The following KCNH1 variants were observed in gnomAD, a reference collection of about 807,000 sequenced individuals.
KCNH1 encodes potassium voltage-gated channel subfamily H member 1, also known as voltage-gated delayed rectifier potassium channel KCNH1.
Under a neutral mutation model 69.2 loss-of-function variants are expected in KCNH1, and 27 were observed. The observed-to-expected ratio is 0.39, with a 90% CI of 0.29 to 0.54. The LOEUF is 0.54. KCNH1 is among the 20% of genes least tolerant of loss of function. The probability of loss-of-function intolerance (pLI) is 0.68; values close to 1 mark genes in which losing one functional copy is unlikely to be tolerated. For synonymous variants in KCNH1, 456 were observed against 487.7 expected (o/e 0.93, Z 0.86); for missense variants, 798 against 1,261.6 (o/e 0.63, Z 5.57).
intron 9 of KCNH1, among the ~76,000 whole-genome samples, chr1:210,788,494 A>G (rs993587154): frequency 2.0e-5 from 3 of 152,164 alleles, no homozygotes; most frequent in Non-Finnish European, 4.4e-5. Flanking sequence ...AGAAAGATCA[A>G]TAAACTTTCC....
At chr1:210,802,574 C>T (rs1240226180) in intron 8 of KCNH1, among the ~76,000 whole-genome samples, 1 of 152,078 alleles carries the variant, frequency 6.6e-6, no homozygotes, top group Non-Finnish European at 1.5e-5. Context: ...AAAGAAAATT[C>T]ATAAGTAAAT....
intron 6 of KCNH1, among the ~76,000 whole-genome samples, chr1:210,985,252 T>G (rs1688806926): frequency 6.6e-6 from 1 of 152,224 alleles, no homozygotes; most frequent in African/African-American, 2.4e-5. Flanking sequence ...TTCACTGATT[T>G]TTTGAAGGGT....
At chr1:210,961,093 G>T (rs1189504331) in intron 6 of KCNH1, among the ~76,000 whole-genome samples, 3 of 152,076 alleles carry the variant, frequency 2.0e-5, no homozygotes, top group Non-Finnish European at 2.9e-5. Flanking sequence ...TCATGTCTGG[G>T]TCAGTTTTCA....
intron 6 of KCNH1, among the ~76,000 whole-genome samples, chr1:210,942,119 T>A (rs1442079809): frequency 6.6e-6 from 1 of 152,200 alleles, no homozygotes; most frequent in African/African-American, 2.4e-5. Flanking sequence ...AGTTCCAAAG[T>A]TTCTGGAAGC....
chr1:211,073,769 C>T (rs1690686325), intron 5 of KCNH1, among the ~76,000 whole-genome samples: 1 of 151,388 alleles, frequency 6.6e-6, no homozygotes. Flanking sequence ...AGAAAAAAAT[C>T]AAAAATCAAT....
chr1:210,835,974 A>G (rs997640054), intron 7 of KCNH1, among the ~76,000 whole-genome samples: 1 of 151,998 alleles, frequency 6.6e-6, no homozygotes, highest in Admixed American at 6.6e-5. Context: ...TACTAAAAAT[A>G]CAAAAATTAG....
At chr1:210,865,272 A>G in intron 7 of KCNH1, among the ~76,000 whole-genome samples, 1 of 152,260 alleles carries the variant, frequency 6.6e-6, no homozygotes, top group African/African-American at 2.4e-5. Flanking sequence ...ATGACAGCTC[A>G]TTAATTCAGT....
chr1:211,112,337 G>A (rs984028498), intron 1 of KCNH1, among the ~76,000 whole-genome samples: 4 of 139,936 alleles, frequency 2.9e-5, no homozygotes, highest in African/African-American at 1.1e-4. Flanking sequence ...TCTGGGAAGC[G>A]AGGAGTGCCT....
intron 5 of KCNH1, among the ~76,000 whole-genome samples, chr1:211,064,416 C>T (rs1429110636): frequency 1.3e-5 from 2 of 151,998 alleles, no homozygotes; most frequent in African/African-American, 4.8e-5. Flanking sequence ...AAAAAAATTG[C>T]CCGGCGTGGT....
intron 5 of KCNH1, among the ~76,000 whole-genome samples, chr1:211,073,343 G>A (rs1690680030): frequency 6.6e-6 from 1 of 152,160 alleles, no homozygotes; most frequent in Non-Finnish European, 1.5e-5. Flanking sequence ...TAAGGATATA[G>A]TTGAACTCAA....
intron 7 of KCNH1, among the ~76,000 whole-genome samples, chr1:210,825,815 G>A (rs1320559938): frequency 6.6e-6 from 1 of 152,164 alleles, no homozygotes; most frequent in African/African-American, 2.4e-5. Flanking sequence ...CTCACATGGT[G>A]TTCATGCAAA....
chr1:210,712,891 C>T (rs990753817), intron 10 of KCNH1, among the ~76,000 whole-genome samples: 3 of 152,166 alleles, frequency 2.0e-5, no homozygotes, highest in East Asian at 3.9e-4. Context: ...AAGTTACGAA[C>T]AGTTGCCTTT....
intron 5 of KCNH1, among the ~76,000 whole-genome samples, chr1:211,075,896 A>G (rs1345295737): frequency 2.6e-5 from 4 of 152,206 alleles, no homozygotes; most frequent in Non-Finnish European, 5.9e-5. Context: ...TGCTTTTCCA[A>G]TGGTATTAGC....
intron 6 of KCNH1, among the ~76,000 whole-genome samples, chr1:210,956,879 AT>A (rs915180562): frequency 6.6e-6 from 1 of 151,846 alleles, no homozygotes; most frequent in East Asian, 1.9e-4. Flanking sequence ...GGATTCATTG[AT>A]TTTTTTGAAG....
chr1:211,000,387 G>A (rs894318158), intron 6 of KCNH1, among the ~76,000 whole-genome samples: 19 of 151,932 alleles, frequency 1.3e-4, no homozygotes, highest in Non-Finnish European at 2.2e-4. Context: ...ACAGAGAGCC[G>A]AATCATGAGT....
chr1:211,119,039 T>C (rs1691638024), intron 1 of KCNH1, among the ~76,000 whole-genome samples: 1 of 152,176 alleles, frequency 6.6e-6, no homozygotes, highest in Non-Finnish European at 1.5e-5. Flanking sequence ...GAATTATAGA[T>C]TTCTAAGGAT....
At chr1:211,020,687 A>G (rs1354494702) in intron 5 of KCNH1, among the ~76,000 whole-genome samples, 1 of 152,130 alleles carries the variant, frequency 6.6e-6, no homozygotes, top group African/African-American at 2.4e-5. Context: ...AGGCAAAACA[A>G]AAAAGAAAAC....
chr1:210,686,709 C>A (rs961865491), intron 10 of KCNH1, among the ~76,000 whole-genome samples: 1 of 152,190 alleles, frequency 6.6e-6, no homozygotes, highest in Non-Finnish European at 1.5e-5. Flanking sequence ...CTAACACTAT[C>A]CCCCTTTTTC....
intron 6 of KCNH1, among the ~76,000 whole-genome samples, chr1:210,998,964 A>G (rs541553541): frequency 9.8e-5 from 15 of 152,336 alleles, no homozygotes; most frequent in South Asian, 2.1e-4. Flanking sequence ...TTTGAAACCG[A>G]TGAGAACAAA....
Sources: gnomAD v4.1 joint callset for allele counts (sites outside exome capture counted in the v4.1 genomes callset) on GRCh38, gnomAD v4.1.1 for gene constraint, MANE v1.5 for transcripts, NCBI Gene and HGNC (gene_info 2026-07-23, HGNC 2026-07-21) for gene names.